The following SEZ6L variants were observed in gnomAD, a reference collection of about 807,000 sequenced individuals.
SEZ6L encodes the protein seizure 6-like protein.
In SEZ6L, 37 loss-of-function variants were observed where a neutral mutation model predicts 106.2. That is an observed-to-expected ratio of 0.35 (90% CI 0.27 to 0.46). SEZ6L has a LOEUF of 0.46. Among genes scored for constraint, SEZ6L ranks in the 20% least tolerant of loss-of-function variants. The pLI is 1.00. For missense variants in SEZ6L, 1,172 were observed against 1,332.8 expected (o/e 0.88, Z 1.88); for synonymous variants, 541 against 570.4 (o/e 0.95, Z 0.73).
intron 1 of SEZ6L, among the ~76,000 whole-genome samples, chr22:26,214,360 C>T (rs762458124): frequency 1.1e-4 from 16 of 152,256 alleles, no homozygotes; most frequent in Middle Eastern, 3.4e-3. Context: ...GTATTTCATG[C>T]AGGGCCCGGC....
At chr22:26,379,790 T>C (rs1291801134) in intron 16 of SEZ6L, among the ~76,000 whole-genome samples, 1 of 152,220 alleles carries the variant, frequency 6.6e-6, no homozygotes, top group Non-Finnish European at 1.5e-5. Context: ...GAATACTTAT[T>C]AGTAGAGTGT....
At chr22:26,276,556 G>A (rs773105758) in intron 1 of SEZ6L, among the ~76,000 whole-genome samples, 11 of 152,326 alleles carry the variant, frequency 7.2e-5, no homozygotes, top group Non-Finnish European at 1.6e-4. Flanking sequence ...TCTCTACATA[G>A]GTAATTGAAG....
rs1468125006 is a variant in SEZ6L, at chr22:26,272,497, C to T, written c.95-19909C>T. ...CAGGCTGCAGCTGGTCATCTTATGC[C>T]CAGGGGAAAACTCAGACTGCATAGG... On this transcript the variant is annotated intron_variant, in intron 1 of 16. Coordinates refer to ENST00000248933, the MANE Select transcript of SEZ6L (RefSeq NM_021115.5). Among the ~76,000 whole-genome samples, 5 of 152,220 alleles carry T rather than the reference C, an allele frequency of 3.3e-5. No individual in the cohort carries two copies. In the East Asian group the frequency reaches 9.7e-4, roughly 29 times the overall value.
At chr22:26,220,438 C>G (rs907269850) in intron 1 of SEZ6L, among the ~76,000 whole-genome samples, 5 of 152,142 alleles carry the variant, frequency 3.3e-5, no homozygotes, top group African/African-American at 1.2e-4. Flanking sequence ...TGTTGTGTCC[C>G]CATTGTGCAG....
chr22:26,288,846 C>T (rs1407377698), intron 1 of SEZ6L, among the ~76,000 whole-genome samples: 1 of 152,212 alleles, frequency 6.6e-6, no homozygotes, highest in East Asian at 1.9e-4. Context: ...TGCTCTCTCT[C>T]TCCTCTCTCT....
intron 5 of SEZ6L, among the ~76,000 whole-genome samples, chr22:26,305,646 G>T (rs1441294461): frequency 6.6e-6 from 1 of 152,202 alleles, no homozygotes; most frequent in African/African-American, 2.4e-5. Flanking sequence ...GTAATTAAAA[G>T]TCAGGGCACA....
chr22:26,215,830 G>A (rs1264156797), intron 1 of SEZ6L, among the ~76,000 whole-genome samples: 1 of 152,176 alleles, frequency 6.6e-6, no homozygotes, highest in Non-Finnish European at 1.5e-5. Flanking sequence ...GGGGTGAGCA[G>A]GGATCTGAGG....
chr22:26,248,124 C>T (rs1358482780), intron 1 of SEZ6L, among the ~76,000 whole-genome samples: 1 of 152,136 alleles, frequency 6.6e-6, no homozygotes, highest in Non-Finnish European at 1.5e-5. Context: ...TGGACAAGTC[C>T]CTGATGACAG....
At chr22:26,169,911 C>T (rs1343470610) in intron 1 of SEZ6L, 148 bp downstream of exon 1, 1 of 398,532 alleles carries the variant, frequency 2.5e-6, no homozygotes, top group African/African-American at 2.1e-5. Context: ...CTAGGAACCG[C>T]ACGTCCCCTT....
rs1294603223 is a variant in SEZ6L, at chr22:26,383,461, T to C, written c.*3166T>C. Reference sequence around the variant, plus strand: ...TGTTCAGCACCCCCAAAGGTAGGCATTCTCCTGGGAAATTTTCATTTCCAT... The same window carrying C: ...TGTTCAGCACCCCCAAAGGTAGGCACTCTCCTGGGAAATTTTCATTTCCAT... On this transcript the variant is annotated 3_prime_UTR_variant, in exon 17 of 17. Coordinates refer to ENST00000248933, the MANE Select transcript of SEZ6L (RefSeq NM_021115.5). The C allele has an allele frequency of 6.6e-6, 1 of 152,162 alleles. No individual in the cohort carries two copies. Among genetic ancestry groups the C allele is most frequent in the Non-Finnish European group, 1.5e-5 (1 of 68,022 alleles). 9.4% of individuals were successfully genotyped at this position (152,162 alleles called of 1,614,324 possible).
At position 26,173,674 on chromosome 22, in the gene SEZ6L, G is replaced by A. The variant is rs562028165; in HGVS notation, c.94+3911G>A. On this transcript the variant is annotated intron_variant, in intron 1 of 16. Transcript: ENST00000248933. ...TAACAAAAATGCCTTAGATAGGGTGGCTTAAACAACAGAAATTTATTTCTC... is the reference window on the plus strand; with the variant it reads ...TAACAAAAATGCCTTAGATAGGGTGACTTAAACAACAGAAATTTATTTCTC... Among the ~76,000 whole-genome samples, 56 of 152,262 alleles carry A rather than the reference G, an allele frequency of 3.7e-4. 1 individual carries two copies. The South Asian group carries it at 4.4e-3, about 12-fold the overall frequency.
intron 5 of SEZ6L, among the ~76,000 whole-genome samples, chr22:26,300,297 C>T (rs191732221): frequency 7.2e-5 from 11 of 152,244 alleles, no homozygotes; most frequent in African/African-American, 2.6e-4. Flanking sequence ...GATGCTATCC[C>T]TCCCCCCTCT....
At chr22:26,251,183 A>G (rs1275063419) in intron 1 of SEZ6L, among the ~76,000 whole-genome samples, 1 of 152,144 alleles carries the variant, frequency 6.6e-6, no homozygotes, top group African/African-American at 2.4e-5. Flanking sequence ...ACTGTGTTTA[A>G]TAGGAGTGGT....
intron 13 of SEZ6L, among the ~76,000 whole-genome samples, chr22:26,365,850 G>C (rs866908814): frequency 2.0e-5 from 3 of 151,844 alleles, no homozygotes; most frequent in African/African-American, 7.3e-5. Context: ...CTCCAGCCCG[G>C]ACAGAACGAG....
chr22:26,263,920 G>A (rs139924636), intron 1 of SEZ6L, among the ~76,000 whole-genome samples: 4 of 152,226 alleles, frequency 2.6e-5, no homozygotes, highest in Admixed American at 6.5e-5. Flanking sequence ...TCTCTCACCT[G>A]GACTGATCTT....
chr22:26,336,253 A>G (rs1471180887), intron 9 of SEZ6L, among the ~76,000 whole-genome samples: 1 of 152,046 alleles, frequency 6.6e-6, no homozygotes, highest in Non-Finnish European at 1.5e-5. Flanking sequence ...CCCTCAGTCA[A>G]TAAAGGATGG....
intron 2 of SEZ6L, 40 bp downstream of exon 2, chr22:26,293,186 C>CA: frequency 6.8e-7 from 1 of 1,468,468 alleles, no homozygotes; most frequent in Non-Finnish European, 8.9e-7. Context: ...CTGAAACAGC[C>CA]ATGAGGCACT....
At chr22:26,377,393 T>A (rs749863252) in intron 15 of SEZ6L, among the ~76,000 whole-genome samples, 3 of 152,198 alleles carry the variant, frequency 2.0e-5, no homozygotes, top group African/African-American at 4.8e-5. Flanking sequence ...GGGACTTGAA[T>A]GACCTTCCAG....
At chr22:26,256,224 G>A (rs540609496) in intron 1 of SEZ6L, among the ~76,000 whole-genome samples, 4 of 152,296 alleles carry the variant, frequency 2.6e-5, no homozygotes, top group South Asian at 2.1e-4. Flanking sequence ...AGGGGTATTC[G>A]GGGATGCCAG....
Sources: gnomAD v4.1 joint callset for allele counts (sites outside exome capture counted in the v4.1 genomes callset) on GRCh38, gnomAD v4.1.1 for gene constraint, MANE v1.5 for transcripts, NCBI Gene and HGNC (gene_info 2026-07-23, HGNC 2026-07-21) for gene names.